Variants in ZNF816 observed in about 807,000 individuals in gnomAD.
ZNF816 encodes the protein zinc finger protein 816A.
A neutral mutation model predicts 8.3 loss-of-function variants in ZNF816; 11 were observed. That is an observed-to-expected ratio of 1.32 (90% CI 0.83 to 2.19). The LOEUF is 2.19. Among genes scored for constraint, ZNF816 ranks in the 30% most tolerant of loss-of-function variants. ZNF816 has a pLI of 0.00. For missense variants in ZNF816, 710 were observed against 779.3 expected (o/e 0.91, Z 1.06); for synonymous variants, 255 against 254.5 (o/e 1.00, Z -0.02).
rs149695139 is a variant in ZNF816, at chr19:52,950,150, C to A, written c.1625G>T (p.Cys542Phe). ...TGEKPYKCKV[C>F]DKAFRSDSCL... is the part of the protein sequence containing the mutation. ...TGAATCACTCCGGAAAGCCTTGTCA[C>A]AAACCTTACATTTGTATGGTTTTTC... is the stretch of plus-strand genomic sequence containing the variant. Residue 542 changes from cysteine (C) to phenylalanine (F), a missense_variant, in exon 4 of 4, where the codon TGT (cysteine) becomes TTT (phenylalanine). Coordinates refer to ENST00000444460, the MANE Select transcript of ZNF816 (RefSeq NM_001202457.3). 5,418 of 1,614,072 alleles carry A rather than the reference C, an allele frequency of 3.4e-3. 16 individuals are homozygous for A. Among genetic ancestry groups the A allele is most frequent in the Non-Finnish European group, 4.0e-3 (4,761 of 1,179,990 alleles).
At chr19:52,958,851 C>T (rs1017726391) in intron 1 of ZNF816, among the ~76,000 whole-genome samples, 1 of 152,216 alleles carries the variant, frequency 6.6e-6, no homozygotes, top group Non-Finnish European at 1.5e-5. Flanking sequence ...CTGGCCAAGC[C>T]TCTGTACGGA....
In ZNF816 at chr19:52,950,425, C is replaced by T; in HGVS notation, c.1350G>A (p.Glu450=). The change falls in exon 4 of 4, where the codon GAG becomes GAA. Residue 450 remains glutamate, a synonymous_variant. Transcript: ENST00000444460. ...LAEHQRVHTG[E]KPYKCNKCGR... The stretch of plus-strand genomic sequence containing the variant: ...CACATTTATTACACTTGTATGGTTT[C>T]TCTCCAGTATGAACTCTCTGATGTT... 3 of 1,613,816 alleles carry T rather than the reference C, an allele frequency of 1.9e-6. No homozygotes were observed. Among genetic ancestry groups the T allele is most frequent in the Non-Finnish European group, 2.5e-6 (3 of 1,179,992 alleles).
intron 1 of ZNF816, among the ~76,000 whole-genome samples, chr19:52,958,173 C>T (rs2083526313): frequency 6.6e-6 from 1 of 152,188 alleles, no homozygotes; most frequent in African/African-American, 2.4e-5. Flanking sequence ...CCCTGGAACA[C>T]TCCCCTCCTG....
chr19:52,956,012 A>G lies in ZNF816; in HGVS notation c.63+15T>C, dbSNP rs140408256. On this transcript the variant is annotated intron_variant, in intron 2 of 3. Transcript: ENST00000444460. The stretch of plus-strand genomic sequence containing the variant: ...AGGAAAGAGACAGAAGAATCCACCA[A>G]GGAATATCACTTACCTGAGGAAGAG... 4.7e-3 allele frequency: 7,515 copies of G among 1,599,846 alleles called. 30 individuals are homozygous for G. The highest frequency in any genetic ancestry group is 5.5e-3 in the Non-Finnish European group (6,508 of 1,176,184).
intron 1 of ZNF816, among the ~76,000 whole-genome samples, chr19:52,956,888 T>C (rs1427622056): frequency 2.0e-5 from 3 of 152,152 alleles, no homozygotes; most frequent in Non-Finnish European, 2.9e-5. Context: ...TTAAAAATAA[T>C]AATAATACCA....
chr19:52,960,454 C>T (rs1246449749), intron 1 of ZNF816, among the ~76,000 whole-genome samples: 1 of 152,174 alleles, frequency 6.6e-6, no homozygotes, highest in Non-Finnish European at 1.5e-5. Flanking sequence ...TTGTGGCTGA[C>T]TTAGTACAGA....
chr19:52,951,546 T>G lies in ZNF816; in HGVS notation c.229A>C (p.Arg77=). 2 of 1,578,396 alleles carry G rather than the reference T, an allele frequency of 1.3e-6. No individual in the cohort carries two copies. The highest frequency in any genetic ancestry group is 1.7e-6 in the Non-Finnish European group (2 of 1,164,568). The change falls in exon 4 of 4, where the codon AGG becomes CGG. Residue 77 remains arginine, a synonymous_variant. Transcript: ENST00000444460. ...LKSMMEFSST[R]HSITGEVIHT... is the part of the protein sequence containing the mutation. ...ATCACTTCTCCTGTAATACTGTGCC[T>G]GGTTGATGAGAACTCCATCATGGAT...
At chr19:52,953,492 AT>A (rs1165551919) in intron 2 of ZNF816, 6 of 120,214 alleles carry the variant, frequency 5.0e-5, no homozygotes, top group Non-Finnish European at 8.0e-5. Context: ...TATAATATAT[AT>A]TTTAATATTT....
chr19:52,962,530 C>T (rs1170571348), intron 1 of ZNF816, among the ~76,000 whole-genome samples, 197 bp downstream of exon 1: 1 of 152,142 alleles, frequency 6.6e-6, no homozygotes, highest in Admixed American at 6.5e-5. Flanking sequence ...CTGGGAAGCG[C>T]TCTTGCCCAG....
At position 52,962,756 on chromosome 19, in the gene ZNF816, A is replaced by G. The variant is rs1057481851; in HGVS notation, c.-45T>C. 1 of 152,248 alleles carries G rather than the reference A, an allele frequency of 6.6e-6. No individual in the cohort carries two copies. The highest frequency in any genetic ancestry group is 1.5e-5 in the Non-Finnish European group (1 of 68,084). 9.4% of individuals were successfully genotyped at this position (152,248 alleles called of 1,614,324 possible). The stretch of plus-strand genomic sequence containing the variant: ...ACGTTTCAATTTGCTCTGGGTTGAG[A>G]AAAGAGGGGCCGGAACCTGCAGGTC... On this transcript the variant is annotated 5_prime_UTR_variant, in exon 1 of 4. Transcript: ENST00000444460.
rs1285929220 is a variant in ZNF816, at chr19:52,953,510, ATATAATATATATT to A, written c.64-646_64-634del. The A allele has an allele frequency of 1.5e-4, 18 of 119,070 alleles. 1 individual carries two copies. The highest frequency in any genetic ancestry group is 6.8e-4 in the African/African-American group (17 of 25,032). The allele number at this position is 119,070 out of a possible 1,614,324, so 7.4% of individuals were successfully genotyped here. Reference sequence around the variant, plus strand: ...AATATATATTTTAATATTTAATTATATATAATATATATTTATAATATATAATATATAATACAAT... The same window carrying A: ...AATATATATTTTAATATTTAATTATATATAATATATAATATATAATACAAT... On this transcript the variant is annotated intron_variant, in intron 2 of 3. Coordinates refer to ENST00000444460, the MANE Select transcript of ZNF816 (RefSeq NM_001202457.3).
intron 2 of ZNF816, 55 bp downstream of exon 2, chr19:52,955,972 C>CCTGG (rs1568439399): frequency 6.3e-7 from 1 of 1,575,836 alleles, no homozygotes; most frequent in African/African-American, 1.4e-5. Context: ...TACTACAATA[C>CCTGG]CTGGCACTTC....
At chr19:52,956,483 A>C (rs1287694437) in intron 1 of ZNF816, among the ~76,000 whole-genome samples, 1 of 152,214 alleles carries the variant, frequency 6.6e-6, no homozygotes, top group African/African-American at 2.4e-5. Context: ...CACAGATAAG[A>C]ATCACCAGTG....
intron 1 of ZNF816, among the ~76,000 whole-genome samples, chr19:52,960,697 CCT>C (rs971719826): frequency 6.6e-6 from 1 of 151,920 alleles, no homozygotes; most frequent in African/African-American, 2.4e-5. Context: ...GAACGTAGCC[CCT>C]GTGTGCCCCC....
rs756097662 is a variant in ZNF816 at position 52,951,040 on chromosome 19, CCTT to C, written c.732_734del (p.Arg246del). The C allele has an allele frequency of 1.1e-5, 18 of 1,613,742 alleles. No homozygotes were observed. Among genetic ancestry groups the C allele is most frequent in the East Asian group, 4.5e-5 (2 of 44,848 alleles). ...CTCTTGAATGGGTTATGTGGTGTCT[CCTT>C]AAGAGTGAGCTATAATTAAAGGCTT... On this transcript the variant is annotated inframe_deletion, in exon 4 of 4. Transcript: ENST00000444460.
Position 52,950,167 on chromosome 19 carries a change from T to A in ZNF816, c.1608A>T (p.Pro536=), listed in dbSNP as rs772230951. Residue 536 remains proline, a synonymous_variant, in exon 4 of 4, where the codon CCA becomes CCT. Coordinates refer to ENST00000444460, the MANE Select transcript of ZNF816 (RefSeq NM_001202457.3). ...RHRRIHTGEK[P]YKCKVCDKAF... ...CCTTGTCACAAACCTTACATTTGTATGGTTTTTCCCCAGTATGAATTCTCC... is the reference window on the plus strand; with the variant it reads ...CCTTGTCACAAACCTTACATTTGTAAGGTTTTTCCCCAGTATGAATTCTCC... 62 of 1,614,036 alleles carry A rather than the reference T, an allele frequency of 3.8e-5. No homozygotes were observed. Among genetic ancestry groups the A allele is most frequent in the Non-Finnish European group, 5.2e-5 (61 of 1,179,962 alleles).
intron 2 of ZNF816, among the ~76,000 whole-genome samples, chr19:52,954,016 G>C (rs117494302): frequency 0.033 from 4,288 of 131,028 alleles, 88 homozygotes; most frequent in Middle Eastern, 0.11. Context: ...AATCCTGCCT[G>C]AGCAACAGAC....
intron 1 of ZNF816, among the ~76,000 whole-genome samples, chr19:52,958,836 T>C (rs1032133951): frequency 6.6e-6 from 1 of 152,142 alleles, no homozygotes; most frequent in Admixed American, 6.5e-5. Context: ...CCAAACTTTG[T>C]AGTACTGGCC....
rs767292955 is a variant in ZNF816 at position 52,950,636 on chromosome 19, T to C, written c.1139A>G (p.Gln380Arg). ...KCNECGKTFSQKSSLQCHHIL... is the reference protein window; with the variant it reads ...KCNECGKTFSRKSSLQCHHIL... The stretch of plus-strand genomic sequence containing the variant: ...ATGATGGCATTGAAGGGATGATTTC[T>C]GACTGAAGGTCTTGCCACACTCATT... The change falls in exon 4 of 4, where the codon CAG becomes CGG. Residue 380 changes from glutamine (Q) to arginine (R), a missense_variant. Coordinates refer to ENST00000444460, the MANE Select transcript of ZNF816 (RefSeq NM_001202457.3). 1 of 1,613,882 alleles carries C rather than the reference T, an allele frequency of 6.2e-7. No homozygotes were observed. Among genetic ancestry groups the C allele is most frequent in the African/African-American group, 1.3e-5 (1 of 74,922 alleles).
Sources: allele counts gnomAD v4.1 joint callset (sites outside exome capture counted in the v4.1 genomes callset), GRCh38; gene constraint gnomAD v4.1.1; transcripts MANE v1.5; gene names NCBI Gene and HGNC (gene_info 2026-07-23, HGNC 2026-07-21).